Variants in SLC44A1 observed in about 807,000 individuals in gnomAD.
SLC44A1 encodes choline transporter-like protein 1.
Under a neutral mutation model 79.3 loss-of-function variants are expected in SLC44A1, and 26 were observed. The observed-to-expected ratio is 0.33, with a 90% CI of 0.24 to 0.46. The LOEUF (loss-of-function observed/expected upper bound fraction) is 0.46. Ranked by LOEUF, SLC44A1 falls within the 20% of genes least tolerant of loss-of-function variation. The pLI, the probability that SLC44A1 is intolerant of heterozygous loss-of-function variation, is 1.00. For synonymous variants in SLC44A1, 263 were observed against 286.2 expected (o/e 0.92, Z 0.82); for missense variants, 688 against 798.1 (o/e 0.86, Z 1.66).
At chr9:105,329,835 T>C (rs1164771130) in intron 3 of SLC44A1, among the ~76,000 whole-genome samples, 1 of 152,058 alleles carries the variant, frequency 6.6e-6, no homozygotes, top group Non-Finnish European at 1.5e-5. Flanking sequence ...GTCTGGAAAA[T>C]TCCTACTCAA....
intron 15 of SLC44A1, among the ~76,000 whole-genome samples, chr9:105,408,691 G>A (rs577065834): frequency 9.9e-5 from 15 of 152,278 alleles, no homozygotes; most frequent in South Asian, 2.1e-4. Context: ...GATTACAGGC[G>A]TGAGCCACCG....
chr9:105,246,655 G>A (rs776173602), intron 1 of SLC44A1, among the ~76,000 whole-genome samples: 9 of 152,122 alleles, frequency 5.9e-5, no homozygotes, highest in African/African-American at 1.2e-4. Flanking sequence ...CACCAAAAAG[G>A]TGTTTTTCAG....
At chr9:105,338,594 T>C (rs144838989) in intron 4 of SLC44A1, among the ~76,000 whole-genome samples, 114 of 152,240 alleles carry the variant, frequency 7.5e-4, no homozygotes, top group African/African-American at 2.4e-3. Context: ...TTTTTACTTA[T>C]ATGGCAGTGA....
intron 15 of SLC44A1, among the ~76,000 whole-genome samples, chr9:105,425,836 A>G (rs1829315813): frequency 6.6e-6 from 1 of 152,146 alleles, no homozygotes; most frequent in African/African-American, 2.4e-5. Flanking sequence ...ACAAACAAAC[A>G]AACAAAAAAC....
At chr9:105,343,341 T>C (rs1402510691) in intron 4 of SLC44A1, among the ~76,000 whole-genome samples, 1 of 152,198 alleles carries the variant, frequency 6.6e-6, no homozygotes, top group Admixed American at 6.5e-5. Context: ...TTCTTAATGA[T>C]TACTGTTTAG....
Position 105,390,177 on chromosome 9 carries a change from G to T in SLC44A1, c.*1121G>T. 1.7e-6 allele frequency: 2 copies of T among 1,188,584 alleles called. No individual in the cohort carries two copies. The highest frequency in any genetic ancestry group is 4.1e-5 in the South Asian group (1 of 24,184). 73.6% of individuals were successfully genotyped at this position (1,188,584 alleles called of 1,614,324 possible). On this transcript the variant is annotated 3_prime_UTR_variant, in exon 16 of 16. Coordinates refer to ENST00000374720, the MANE Select transcript of SLC44A1 (RefSeq NM_080546.5). ...GTGACTGTTGTTTTTGTTTGGGGGT[G>T]GGTTTGGGGTTTTTTGCTTTTTTAT...
At chr9:105,299,716 G>A in intron 2 of SLC44A1, 5 of 910,494 alleles carry the variant, frequency 5.5e-6, no homozygotes, top group Non-Finnish European at 6.6e-6. Context: ...GTTGCTCACT[G>A]CTCCTTCCTC....
intron 3 of SLC44A1, among the ~76,000 whole-genome samples, chr9:105,333,940 G>A (rs1224135819): frequency 6.6e-6 from 1 of 152,160 alleles, no homozygotes; most frequent in Non-Finnish European, 1.5e-5. Context: ...TCAAGGACCT[G>A]ATTGTTCCCT....
intron 15 of SLC44A1, among the ~76,000 whole-genome samples, chr9:105,418,030 A>G (rs1829195122): frequency 6.6e-6 from 1 of 151,936 alleles, no homozygotes; most frequent in Admixed American, 6.6e-5. Flanking sequence ...AAATAATGAT[A>G]ATAGGCTGGG....
At chr9:105,337,816 C>T (rs1462858387) in intron 4 of SLC44A1, among the ~76,000 whole-genome samples, 1 of 152,064 alleles carries the variant, frequency 6.6e-6, no homozygotes, top group African/African-American at 2.4e-5. Context: ...AGGAGAGATG[C>T]CCTATGGTCC....
At chr9:105,251,194 C>T (rs754485021) in intron 1 of SLC44A1, among the ~76,000 whole-genome samples, 21 of 152,148 alleles carry the variant, frequency 1.4e-4, no homozygotes, top group African/African-American at 2.9e-4. Flanking sequence ...TCCTCAAAAT[C>T]GTACCCCTCA....
At chr9:105,421,913 A>G (rs1427282095) in intron 15 of SLC44A1, among the ~76,000 whole-genome samples, 2 of 152,120 alleles carry the variant, frequency 1.3e-5, no homozygotes, top group African/African-American at 4.8e-5. Context: ...TTCCTTCAGC[A>G]CACTGGTGCA....
At chr9:105,419,486 G>T (rs2131514266) in intron 15 of SLC44A1, among the ~76,000 whole-genome samples, 1 of 152,314 alleles carries the variant, frequency 6.6e-6, no homozygotes, top group Non-Finnish European at 1.5e-5. Flanking sequence ...TAGAAGGTTT[G>T]AACATCTATA....
At chr9:105,409,928 A>G (rs1418672185) in intron 15 of SLC44A1, among the ~76,000 whole-genome samples, 1 of 152,234 alleles carries the variant, frequency 6.6e-6, no homozygotes, top group Non-Finnish European at 1.5e-5. Flanking sequence ...CACATGGATC[A>G]TTCTCAAGGC....
intron 9 of SLC44A1, among the ~76,000 whole-genome samples, chr9:105,364,076 G>C (rs1466727316): frequency 2.0e-5 from 3 of 152,138 alleles, no homozygotes; most frequent in Non-Finnish European, 4.4e-5. Flanking sequence ...GCCGTACTGA[G>C]TATCAAAGGT....
Position 105,397,192 on chromosome 9 carries a change from T to A in SLC44A1, c.*8136T>A. 1.0e-6 allele frequency: 1 copy of A among 985,388 alleles called. No individual in the cohort carries two copies. 61.0% of individuals were successfully genotyped at this position (985,388 alleles called of 1,614,324 possible). A position where few individuals can be genotyped will look rare whatever the true frequency, so the allele number is the denominator to read the frequency against. On this transcript the variant is annotated 3_prime_UTR_variant, in exon 16 of 16. Coordinates refer to ENST00000374720, the MANE Select transcript of SLC44A1 (RefSeq NM_080546.5). The stretch of plus-strand genomic sequence containing the variant: ...AAACGGAGCTTTGAAATGTTTTTCT[T>A]GTGCAGAAATACGAACTAGAAAGAA...
At chr9:105,355,927 GTGTA>G in intron 5 of SLC44A1, 2 of 378,822 alleles carry the variant, frequency 5.3e-6, no homozygotes, top group Non-Finnish European at 9.4e-6. Flanking sequence ...AGTTGTGTGT[GTGTA>G]TGTGTGTGTG....
chr9:105,408,203 C>G (rs1283773237), intron 15 of SLC44A1, among the ~76,000 whole-genome samples: 1 of 152,084 alleles, frequency 6.6e-6, no homozygotes, highest in Non-Finnish European at 1.5e-5. Context: ...TCAAGACATT[C>G]TCATACAAAC....
chr9:105,303,013 TATC>T (rs1830922274), intron 2 of SLC44A1, among the ~76,000 whole-genome samples: 1 of 152,130 alleles, frequency 6.6e-6, no homozygotes, highest in Non-Finnish European at 1.5e-5. Flanking sequence ...TCAATGGTGT[TATC>T]AGTGTTGCAG....
Sources: gnomAD v4.1 joint callset for allele counts (sites outside exome capture counted in the v4.1 genomes callset) on GRCh38, gnomAD v4.1.1 for gene constraint, MANE v1.5 for transcripts, NCBI Gene and HGNC (gene_info 2026-07-23, HGNC 2026-07-21) for gene names.